Variants in ZNF804B observed in about 807,000 individuals in gnomAD.
ZNF804B encodes zinc finger 804B.
A neutral mutation model predicts 101.4 loss-of-function variants in ZNF804B; 80 were observed. That is an observed-to-expected ratio of 0.79 (90% CI 0.66 to 0.95). ZNF804B has a LOEUF of 0.95. ZNF804B is among the 40% of genes least tolerant of loss of function. The pLI is 0.00. For synonymous variants in ZNF804B, 622 were observed against 558.8 expected, an observed-to-expected ratio of 1.11 and a Z score of -1.59; for missense variants, 1,673 against 1,561.9, an observed-to-expected ratio of 1.07 and a Z score of -1.20.
chr7:89,093,413 A>G (rs1789924549), intron 1 of ZNF804B, among the ~76,000 whole-genome samples: 2 of 152,182 alleles, frequency 1.3e-5, no homozygotes, highest in African/African-American at 4.8e-5. Context: ...CTTTTGTCAA[A>G]TTCAGCATTC....
chr7:89,125,691 A>C (rs1790466846), intron 1 of ZNF804B, among the ~76,000 whole-genome samples: 1 of 152,062 alleles, frequency 6.6e-6, no homozygotes, highest in South Asian at 2.1e-4. Flanking sequence ...TTCTTCCTTC[A>C]GTATCTTAGC....
chr7:88,987,344 A>G (rs998735913), intron 1 of ZNF804B, among the ~76,000 whole-genome samples: 5 of 152,130 alleles, frequency 3.3e-5, no homozygotes, highest in African/African-American at 9.6e-5. Context: ...TTGTCTCCAG[A>G]TGGGTTAAAA....
intron 1 of ZNF804B, among the ~76,000 whole-genome samples, chr7:89,027,204 T>G (rs1788764758): frequency 6.6e-6 from 1 of 151,924 alleles, no homozygotes; most frequent in Admixed American, 6.6e-5. Context: ...TGCAAGATAA[T>G]GATAAAGTTG....
intron 1 of ZNF804B, among the ~76,000 whole-genome samples, chr7:89,157,203 C>G (rs1790992167): frequency 6.6e-6 from 1 of 152,126 alleles, no homozygotes; most frequent in Admixed American, 6.6e-5. Context: ...TAGTTAGGTT[C>G]AATATTTCTC....
Position 88,794,340 on chromosome 7 carries a change from G to A in ZNF804B, c.108+34256G>A, listed in dbSNP as rs748785233. On this transcript the variant is annotated intron_variant, in intron 1 of 3. Transcript: ENST00000333190. ...GGAGGAGTAGGTCAGGTGCAACTTG[G>A]TGTAAGTTATCGCCTGGTCCTTTAG... 6 of 1,613,864 alleles carry A rather than the reference G, an allele frequency of 3.7e-6. No individual in the cohort carries two copies. The South Asian group carries it at 5.5e-5, about 15-fold the overall frequency.
chr7:88,950,565 A>G (rs776798127), intron 1 of ZNF804B, among the ~76,000 whole-genome samples: 8 of 151,858 alleles, frequency 5.3e-5, no homozygotes, highest in Non-Finnish European at 1.0e-4. Flanking sequence ...ATTTTCTTCT[A>G]TTTTTAAGCC....
intron 1 of ZNF804B, among the ~76,000 whole-genome samples, chr7:89,067,064 A>G (rs943618803): frequency 6.6e-6 from 1 of 152,158 alleles, no homozygotes; most frequent in Non-Finnish European, 1.5e-5. Flanking sequence ...ATTGGGATCC[A>G]ACACTGGTTA....
At chr7:88,807,830 T>C (rs999279793) in intron 1 of ZNF804B, among the ~76,000 whole-genome samples, 1 of 152,218 alleles carries the variant, frequency 6.6e-6, no homozygotes, top group African/African-American at 2.4e-5. Flanking sequence ...CTATTTTACC[T>C]TTCTGCCCTC....
intron 1 of ZNF804B, among the ~76,000 whole-genome samples, chr7:89,145,312 A>T (rs1790776244): frequency 6.6e-6 from 1 of 152,082 alleles, no homozygotes; most frequent in Non-Finnish European, 1.5e-5. Context: ...GGGCACATTT[A>T]AAGATTCAGG....
chr7:88,941,477 A>C (rs940307679), intron 1 of ZNF804B, among the ~76,000 whole-genome samples: 18 of 152,062 alleles, frequency 1.2e-4, no homozygotes, highest in African/African-American at 4.1e-4. Context: ...TGGAAATTTA[A>C]CTGTATATTA....
rs1789862552 is a variant in ZNF804B, at chr7:88,759,801, C to T, written c.-176C>T. 1.7e-6 allele frequency: 1 copy of T among 604,574 alleles called. No individual in the cohort carries two copies. 37.5% of individuals were successfully genotyped at this position (604,574 alleles called of 1,614,324 possible). Reference sequence around the variant, plus strand: ...CTGTCAGAGCAGCAGCTGTCGGCAGCAGGAGCCCCGCACGGGGCGCGGAGC... The same window carrying T: ...CTGTCAGAGCAGCAGCTGTCGGCAGTAGGAGCCCCGCACGGGGCGCGGAGC... On this transcript the variant is annotated 5_prime_UTR_variant, in exon 1 of 4. An upstream open reading frame in the 5' UTR gains an earlier in-frame stop. Coordinates refer to ENST00000333190, the MANE Select transcript of ZNF804B (RefSeq NM_181646.5).
chr7:89,267,104 C>T (rs1789808079), intron 2 of ZNF804B, among the ~76,000 whole-genome samples: 1 of 152,124 alleles, frequency 6.6e-6, no homozygotes, highest in Non-Finnish European at 1.5e-5. Context: ...TTGATTTAAA[C>T]CACATTTTAT....
intron 2 of ZNF804B, among the ~76,000 whole-genome samples, chr7:89,326,713 T>C (rs926397095): frequency 1.3e-5 from 2 of 152,048 alleles, no homozygotes; most frequent in Non-Finnish European, 2.9e-5. Flanking sequence ...AAAATATTAA[T>C]TAAAATAAGT....
chr7:88,817,788 G>T (rs1367750790), intron 1 of ZNF804B, among the ~76,000 whole-genome samples: 1 of 152,030 alleles, frequency 6.6e-6, no homozygotes, highest in Non-Finnish European at 1.5e-5. Context: ...GATTTCATCT[G>T]TTTTTTTGCA....
chr7:89,082,176 A>T (rs1789706989), intron 1 of ZNF804B, among the ~76,000 whole-genome samples: 2 of 151,770 alleles, frequency 1.3e-5, no homozygotes, highest in Admixed American at 6.6e-5. Context: ...CCAACTAATA[A>T]TATTACGCTG....
chr7:89,325,020 T>A (rs955809536), intron 2 of ZNF804B, among the ~76,000 whole-genome samples: 4 of 151,528 alleles, frequency 2.6e-5, no homozygotes, highest in Non-Finnish European at 5.9e-5. Context: ...CAATATCCTG[T>A]CATTTTTTTC....
intron 2 of ZNF804B, among the ~76,000 whole-genome samples, chr7:89,321,763 A>T (rs1196485374): frequency 6.9e-6 from 1 of 144,796 alleles, no homozygotes; most frequent in East Asian, 3.7e-4. Flanking sequence ...AAGGAAAAAA[A>T]TCCTGAATGA....
At position 89,335,661 on chromosome 7, in the gene ZNF804B, C is replaced by G; in HGVS notation, c.2679C>G (p.Ser893=). ...LGKVRPMKCN[S]GNISCLLKNC... Reference sequence around the variant, plus strand: ...AAGTCAGGCCCATGAAGTGTAACTCCGGGAATATCAGCTGCCTTCTAAAGA... The same window carrying G: ...AAGTCAGGCCCATGAAGTGTAACTCGGGGAATATCAGCTGCCTTCTAAAGA... Residue 893 remains serine, a synonymous_variant, in exon 4 of 4, where the codon TCC becomes TCG. Coordinates refer to ENST00000333190, the MANE Select transcript of ZNF804B (RefSeq NM_181646.5). 6.2e-7 allele frequency: 1 copy of G among 1,613,990 alleles called. No individual in the cohort carries two copies. Among genetic ancestry groups the G allele is most frequent in the Non-Finnish European group, 8.5e-7 (1 of 1,179,970 alleles).
intron 1 of ZNF804B, among the ~76,000 whole-genome samples, chr7:88,980,151 T>C (rs1246396894): frequency 2.0e-5 from 3 of 151,946 alleles, no homozygotes; most frequent in African/African-American, 7.2e-5. Context: ...GCTTGATTCT[T>C]TTAGGTTATT....
Sources: allele counts gnomAD v4.1 joint callset (sites outside exome capture counted in the v4.1 genomes callset), GRCh38; gene constraint gnomAD v4.1.1; transcripts MANE v1.5; gene names NCBI Gene and HGNC (gene_info 2026-07-23, HGNC 2026-07-21).